Variants in AP2B1 observed in about 807,000 individuals in gnomAD.
AP2B1 encodes adaptor related protein complex 2 subunit beta 1, also known as AP-2 complex subunit beta.
A neutral mutation model predicts 102.0 loss-of-function variants in AP2B1; 23 were observed. That is an observed-to-expected ratio of 0.23 (90% confidence interval 0.16 to 0.32). The LOEUF (loss-of-function observed/expected upper bound fraction) is 0.32, where lower values mean the gene tolerates loss of function less well. AP2B1 is among the 10% of genes least tolerant of loss of function. The pLI is 1.00. For synonymous variants in AP2B1, 381 were observed against 421.2 expected (o/e 0.90, Z 1.17); for missense variants, 541 against 1,157.4 (o/e 0.47, Z 7.73).
At chr17:35,601,911 G>A (rs902960218) in intron 3 of AP2B1, among the ~76,000 whole-genome samples, 1 of 151,840 alleles carries the variant, frequency 6.6e-6, no homozygotes, top group Admixed American at 6.6e-5. Context: ...CCGAGTAGCT[G>A]GGATTACAGG....
chr17:35,611,208 C>T (rs1317370282), intron 5 of AP2B1, among the ~76,000 whole-genome samples: 1 of 152,136 alleles, frequency 6.6e-6, no homozygotes, highest in Non-Finnish European at 1.5e-5. Context: ...TAATTCTCTA[C>T]CTGAGGACAG....
intron 3 of AP2B1, among the ~76,000 whole-genome samples, chr17:35,603,194 T>C (rs148502465): frequency 9.0e-4 from 137 of 152,348 alleles, no homozygotes; most frequent in African/African-American, 3.2e-3. Context: ...AGCTATTTCA[T>C]TCCCTTTTTT....
intron 14 of AP2B1, 131 bp downstream of exon 14, chr17:35,657,922 G>A (rs1214821635): frequency 2.7e-6 from 2 of 752,324 alleles, no homozygotes; most frequent in Non-Finnish European, 4.1e-6. Context: ...TAAAGGACAG[G>A]ATTCTTTGTC....
chr17:35,709,205 C>A lies in AP2B1; in HGVS notation c.2455-19C>A. ...GCTCCCTGCGATGTCCTCATTTGAC[C>A]TTGTTGCTTTCCTGGCAGGTGGCTG... On this transcript the variant is annotated intron_variant, in intron 18 of 21. Coordinates refer to ENST00000610402, the MANE Select transcript of AP2B1 (RefSeq NM_001030006.2). 6.2e-7 allele frequency: 1 copy of A among 1,612,560 alleles called. No homozygotes were observed. The highest frequency in any genetic ancestry group is 8.5e-7 in the Non-Finnish European group (1 of 1,178,632).
At chr17:35,635,741 G>A (rs2074589777) in intron 9 of AP2B1, among the ~76,000 whole-genome samples, 1 of 152,068 alleles carries the variant, frequency 6.6e-6, no homozygotes, top group African/African-American at 2.4e-5. Flanking sequence ...TTGTTGCCCA[G>A]GCTGGAGTAC....
chr17:35,654,161 A>G (rs1366754245), intron 13 of AP2B1, among the ~76,000 whole-genome samples: 1 of 151,816 alleles, frequency 6.6e-6, no homozygotes, highest in Non-Finnish European at 1.5e-5. Flanking sequence ...TCCTTGGCTC[A>G]AGTGATTCTT....
intron 2 of AP2B1, among the ~76,000 whole-genome samples, chr17:35,595,055 G>A (rs2073221714): frequency 6.6e-6 from 1 of 152,148 alleles, no homozygotes; most frequent in Non-Finnish European, 1.5e-5. Context: ...CAGACATGGC[G>A]CCAACTACCA....
intron 14 of AP2B1, among the ~76,000 whole-genome samples, chr17:35,669,938 A>G (rs2075551049): frequency 6.6e-6 from 1 of 152,212 alleles, no homozygotes; most frequent in Non-Finnish European, 1.5e-5. Flanking sequence ...CTTTTTAAAC[A>G]GCTCCATTAG....
At chr17:35,627,604 T>C (rs2074354957) in intron 8 of AP2B1, 27 bp from the exon 9 acceptor site, 6 of 1,613,392 alleles carry the variant, frequency 3.7e-6, no homozygotes, top group Admixed American at 1.7e-5. Flanking sequence ...GAATCCTTAA[T>C]GATTAACCAC....
intron 9 of AP2B1, among the ~76,000 whole-genome samples, chr17:35,635,454 G>C (rs929345820): frequency 6.6e-6 from 1 of 151,778 alleles, no homozygotes; most frequent in African/African-American, 2.4e-5. Context: ...GTGTGATCTC[G>C]GCTAACTACA....
chr17:35,598,146 C>A, intron 2 of AP2B1, 84 bp from the exon 3 acceptor site: 1 of 584,774 alleles, frequency 1.7e-6, no homozygotes, highest in South Asian at 4.4e-5. Context: ...CCCTGCTATC[C>A]TGGTATTGGT....
chr17:35,681,896 A>G (rs1014672187), intron 17 of AP2B1, among the ~76,000 whole-genome samples: 10 of 152,152 alleles, frequency 6.6e-5, no homozygotes, highest in African/African-American at 2.4e-4. Flanking sequence ...TGGAAAACAG[A>G]AAATTATGAT....
chr17:35,726,282 G>C lies in AP2B1; in HGVS notation c.*2583G>C, dbSNP rs782193736. 1 of 151,592 alleles carries C rather than the reference G, an allele frequency of 6.6e-6. No individual in the cohort carries two copies. The highest frequency in any genetic ancestry group is 1.5e-5 in the Non-Finnish European group (1 of 67,906). The allele number at this position is 151,592 out of a possible 1,614,324, so 9.4% of individuals were successfully genotyped here. A position where few individuals can be genotyped will look rare whatever the true frequency, so the allele number is the denominator to read the frequency against. On this transcript the variant is annotated 3_prime_UTR_variant, in exon 22 of 22. Transcript: ENST00000610402. ...AGACTCTGGAAAGAAATGGGGAGGG[G>C]GGGCAGGGGAAATGTTGCCCTAAGA...
chr17:35,707,421 G>C (rs1435936838), intron 18 of AP2B1, among the ~76,000 whole-genome samples: 5 of 149,938 alleles, frequency 3.3e-5, no homozygotes, highest in African/African-American at 1.2e-4. Context: ...AAAGTGCTGG[G>C]ATTACAGGCG....
At chr17:35,591,528 A>G (rs536170571) in intron 1 of AP2B1, among the ~76,000 whole-genome samples, 14 of 152,276 alleles carry the variant, frequency 9.2e-5, no homozygotes, top group Admixed American at 7.8e-4. Context: ...TTGGGTGACA[A>G]ATTCTAAGGA....
rs541374046 is a variant in AP2B1 at position 35,664,011 on chromosome 17, A to G, written c.1989+6220A>G. On this transcript the variant is annotated intron_variant, in intron 14 of 21. Transcript: ENST00000610402. ...TGGGCTCAAGTAGTCCTCCCACCTC[A>G]GCCTCCCAAAGTGTTAGGATTTACA... is the stretch of plus-strand genomic sequence containing the variant. Among the ~76,000 whole-genome samples, 10 of 152,306 alleles carry G rather than the reference A, an allele frequency of 6.6e-5. No homozygotes were observed. The East Asian group carries it at 1.9e-3, about 29-fold the overall frequency.
chr17:35,723,099 G>C (rs1555593709), intron 21 of AP2B1, among the ~76,000 whole-genome samples: 1 of 152,184 alleles, frequency 6.6e-6, no homozygotes, highest in African/African-American at 2.4e-5. Context: ...TTCCCTCTTA[G>C]GGGTGTATAC....
intron 18 of AP2B1, among the ~76,000 whole-genome samples, chr17:35,685,612 A>G (rs2075914415): frequency 6.6e-6 from 1 of 152,230 alleles, no homozygotes; most frequent in Non-Finnish European, 1.5e-5. Context: ...CTAATTTAAT[A>G]TCAATGTGTA....
In AP2B1 at chr17:35,656,836, GA is replaced by G. The variant is rs574030873; in HGVS notation, c.1797-762del. ...GGAGGCGGAGCTTGCAGTGAGCCGA[GA>G]TGGCGCCACTGCACTCCAGCCTGGG... On this transcript the variant is annotated intron_variant, in intron 13 of 21. Transcript: ENST00000610402. Among the ~76,000 whole-genome samples the G allele has an allele frequency of 1.7e-3, 256 of 146,816 alleles. 1 individual carries two copies. Among genetic ancestry groups the G allele is most frequent in the Admixed American group, 3.5e-3 (51 of 14,580 alleles).
Sources: allele counts gnomAD v4.1 joint callset (sites outside exome capture counted in the v4.1 genomes callset), GRCh38; gene constraint gnomAD v4.1.1; transcripts MANE v1.5; gene names NCBI Gene and HGNC (gene_info 2026-07-23, HGNC 2026-07-21).